GABRA5: variants seen among roughly 807,000 people sequenced by gnomAD.
The protein encoded by GABRA5 is gamma-aminobutyric acid type A receptor subunit alpha5, also known as gamma-aminobutyric acid receptor subunit alpha-5.
GABRA5 carries 18 observed loss-of-function variants against 47.3 expected under a neutral mutation model. That is an observed-to-expected ratio of 0.38 (90% CI 0.26 to 0.56). The LOEUF is 0.56. GABRA5 is among the 20% of genes least tolerant of loss of function. The pLI is 0.71. For synonymous variants in GABRA5, 237 were observed against 229.3 expected (o/e 1.03, Z -0.30); for missense variants, 365 against 599.3 (o/e 0.61, Z 4.08).
chr15:26,924,718 G>T (rs535437079), intron 7 of GABRA5, among the ~76,000 whole-genome samples: 1 of 152,114 alleles, frequency 6.6e-6, no homozygotes, highest in African/African-American at 2.4e-5. Context: ...CGTTTTTTGG[G>T]GGGATGCTTG....
At chr15:26,947,100 C>T (rs1056459728) in intron 10 of GABRA5, among the ~76,000 whole-genome samples, 3 of 152,236 alleles carry the variant, frequency 2.0e-5, no homozygotes, top group African/African-American at 4.8e-5. Context: ...CTTATATCCA[C>T]ACACCGTATT....
chr15:26,919,954 A>G (rs894713030), intron 7 of GABRA5, among the ~76,000 whole-genome samples: 1 of 132,388 alleles, frequency 7.6e-6, no homozygotes, highest in Non-Finnish European at 1.7e-5. Context: ...AAGATTTCTG[A>G]TAAAAAAAAA....
chr15:26,878,160 G>T lies in GABRA5; in HGVS notation c.87-2686G>T, dbSNP rs181555909. 9.8e-3 allele frequency among the ~76,000 whole-genome samples: 1,487 copies of T among 152,342 alleles called. 12 individuals carry two copies. The highest frequency in any genetic ancestry group is 0.015 in the Non-Finnish European group (1,016 of 68,040). On this transcript the variant is annotated intron_variant, in intron 3 of 10. Coordinates refer to ENST00000335625, the MANE Select transcript of GABRA5 (RefSeq NM_000810.4). ...CGCTGCACATTAGTGCTCACCAAAG[G>T]CATAGCCCTGGATTTCTGTGTTATT...
At chr15:26,880,186 C>T (rs1465575727) in intron 3 of GABRA5, among the ~76,000 whole-genome samples, 1 of 152,162 alleles carries the variant, frequency 6.6e-6, no homozygotes, top group Non-Finnish European at 1.5e-5. Flanking sequence ...CTTGTGTCTT[C>T]CCTGAGGGTC....
chr15:26,872,178 T>C (rs1457140635), intron 3 of GABRA5, among the ~76,000 whole-genome samples: 1 of 152,208 alleles, frequency 6.6e-6, no homozygotes, highest in African/African-American at 2.4e-5. Context: ...TTGTGTCAAA[T>C]CCCGATTGAA....
intron 6 of GABRA5, among the ~76,000 whole-genome samples, chr15:26,900,489 C>T (rs1381161247): frequency 1.3e-5 from 2 of 151,972 alleles, no homozygotes; most frequent in Non-Finnish European, 2.9e-5. Context: ...TATTATATGG[C>T]AAGTCTTATA....
At chr15:26,928,724 A>C (rs150012279) in intron 7 of GABRA5, among the ~76,000 whole-genome samples, 25 of 152,296 alleles carry the variant, frequency 1.6e-4, no homozygotes, top group African/African-American at 5.5e-4. Context: ...GGCTGTTATA[A>C]CAGAATACCA....
At chr15:26,918,764 A>T (rs1893774228) in intron 7 of GABRA5, among the ~76,000 whole-genome samples, 1 of 152,152 alleles carries the variant, frequency 6.6e-6, no homozygotes, top group Non-Finnish European at 1.5e-5. Flanking sequence ...AAATATAGCC[A>T]TCCCTGCTCT....
intron 7 of GABRA5, among the ~76,000 whole-genome samples, chr15:26,934,233 TAGAA>T (rs911155614): frequency 9.8e-6 from 1 of 101,684 alleles, no homozygotes; most frequent in African/African-American, 3.9e-5. Context: ...GCCTGGGTGA[TAGAA>T]AGAGAATGTT....
intron 6 of GABRA5, among the ~76,000 whole-genome samples, chr15:26,903,147 T>C (rs1893364399): frequency 6.6e-6 from 1 of 152,070 alleles, no homozygotes; most frequent in Non-Finnish European, 1.5e-5. Context: ...TGTTTGCTGT[T>C]CCCCTCATTG....
At chr15:26,923,870 C>A (rs780514266) in intron 7 of GABRA5, among the ~76,000 whole-genome samples, 20 of 152,028 alleles carry the variant, frequency 1.3e-4, no homozygotes, top group African/African-American at 4.8e-4. Flanking sequence ...CTCTAAGGAA[C>A]TTTTTATCAT....
intron 6 of GABRA5, among the ~76,000 whole-genome samples, chr15:26,903,009 T>C (rs796675688): frequency 1.3e-5 from 2 of 152,266 alleles, no homozygotes; most frequent in African/African-American, 4.8e-5. Context: ...ATTTGTTATA[T>C]AGATAAACTG....
chr15:26,880,645 G>C (rs1025028217), intron 3 of GABRA5: 3 of 473,448 alleles, frequency 6.3e-6, no homozygotes, highest in African/African-American at 6.1e-5. Flanking sequence ...TGGATAACTA[G>C]CCCCAAGCAG....
chr15:26,924,837 C>T (rs915951665), intron 7 of GABRA5, among the ~76,000 whole-genome samples: 2 of 152,008 alleles, frequency 1.3e-5, no homozygotes, highest in African/African-American at 4.8e-5. Flanking sequence ...TGTTTGTGCC[C>T]GTTGGTGTTT....
At chr15:26,935,226 T>C (rs1483805437) in intron 7 of GABRA5, among the ~76,000 whole-genome samples, 1 of 152,234 alleles carries the variant, frequency 6.6e-6, no homozygotes, top group Non-Finnish European at 1.5e-5. Flanking sequence ...TGTCTCTTGC[T>C]GCTGTCATTA....
chr15:26,939,446 C>T (rs1471889281), intron 8 of GABRA5: 1 of 762,248 alleles, frequency 1.3e-6, no homozygotes, highest in Non-Finnish European at 2.4e-6. Flanking sequence ...TCTCACTCTG[C>T]ACCTGCGACA....
At chr15:26,884,813 G>A (rs1892834686) in intron 6 of GABRA5, among the ~76,000 whole-genome samples, 2 of 152,194 alleles carry the variant, frequency 1.3e-5, no homozygotes, top group African/African-American at 2.4e-5. Flanking sequence ...GTTTACCAAC[G>A]GCGCGGTGCA....
intron 9 of GABRA5, 135 bp downstream of exon 9, chr15:26,940,212 A>G (rs1894352881): frequency 1.4e-6 from 1 of 708,968 alleles, no homozygotes; most frequent in Non-Finnish European, 2.3e-6. Flanking sequence ...AAATTGACCC[A>G]CTAATTAAGA....
chr15:26,883,023 G>A lies in GABRA5; in HGVS notation c.209-143G>A. Reference sequence around the variant, plus strand: ...AGCAGCTCGATTTCATCTGGTAATTGTCAAGTCCTCCAAATTTACCAAACG... The same window carrying A: ...AGCAGCTCGATTTCATCTGGTAATTATCAAGTCCTCCAAATTTACCAAACG... On this transcript the variant is annotated intron_variant, in intron 4 of 10. Transcript: ENST00000335625. This position sits in a 1 kb window ranked among gnomAD's most constrained non-coding sequence, Gnocchi z 4.8. 1.4e-6 allele frequency: 1 copy of A among 729,406 alleles called. No individual in the cohort carries two copies. Among genetic ancestry groups the A allele is most frequent in the Non-Finnish European group, 2.5e-6 (1 of 397,272 alleles). 45.2% of individuals were successfully genotyped at this position (729,406 alleles called of 1,614,324 possible). A position where few individuals can be genotyped will look rare whatever the true frequency, so the allele number is the denominator to read the frequency against.
Sources: gnomAD v4.1 joint callset for allele counts (sites outside exome capture counted in the v4.1 genomes callset) on GRCh38, gnomAD v4.1.1 for gene constraint, Gnocchi (gnomAD v3.1) non-coding constraint, MANE v1.5 for transcripts, NCBI Gene and HGNC (gene_info 2026-07-23, HGNC 2026-07-21) for gene names.